Variants in CCBE1 observed in about 807,000 individuals in gnomAD.
CCBE1 encodes the protein collagen and calcium binding EGF domains 1.
Under a neutral mutation model 50.0 loss-of-function variants are expected in CCBE1, and 37 were observed. The observed-to-expected ratio is 0.74, with a 90% CI of 0.57 to 0.97. The LOEUF (loss-of-function observed/expected upper bound fraction) is 0.97. Ranked by LOEUF, CCBE1 falls within the 50% of genes least tolerant of loss-of-function variation. The pLI is 0.00. For missense variants in CCBE1, 538 were observed against 523.8 expected, an observed-to-expected ratio of 1.03 and a Z score of -0.26; for synonymous variants, 234 against 203.7, an observed-to-expected ratio of 1.15 and a Z score of -1.27.
At chr18:59,587,632 C>A (rs1281658829) in intron 2 of CCBE1, among the ~76,000 whole-genome samples, 1 of 152,140 alleles carries the variant, frequency 6.6e-6, no homozygotes, top group Non-Finnish European at 1.5e-5. Context: ...TTCCAAGAAG[C>A]GACTCAGATC....
intron 2 of CCBE1, among the ~76,000 whole-genome samples, chr18:59,690,951 C>T (rs2054722849): frequency 6.6e-6 from 1 of 152,226 alleles, no homozygotes; most frequent in South Asian, 2.1e-4. Context: ...CAGAATCTAG[C>T]ACCTGTTACA....
chr18:59,451,493 C>T (rs948799423), intron 6 of CCBE1, among the ~76,000 whole-genome samples: 5 of 150,698 alleles, frequency 3.3e-5, no homozygotes, highest in South Asian at 2.1e-4. Flanking sequence ...AGTGCTCTCG[C>T]GGGACAGAGA....
chr18:59,576,943 T>C (rs1210793574), intron 2 of CCBE1, among the ~76,000 whole-genome samples: 1 of 152,240 alleles, frequency 6.6e-6, no homozygotes, highest in African/African-American at 2.4e-5. Flanking sequence ...CTTCTCTCTC[T>C]GAACTTGACT....
intron 7 of CCBE1, among the ~76,000 whole-genome samples, chr18:59,446,562 G>T (rs2143644309): frequency 6.6e-6 from 1 of 152,090 alleles, no homozygotes; most frequent in East Asian, 1.9e-4. Flanking sequence ...ACTCAGGCTT[G>T]TGTTTGAAGA....
At chr18:59,537,929 G>C (rs1184719688) in intron 2 of CCBE1, among the ~76,000 whole-genome samples, 1 of 152,142 alleles carries the variant, frequency 6.6e-6, no homozygotes, top group East Asian at 1.9e-4. Flanking sequence ...TATTTTCCAG[G>C]GGTATTATGG....
At chr18:59,502,383 T>C (rs1010610718) in intron 2 of CCBE1, among the ~76,000 whole-genome samples, 1 of 152,198 alleles carries the variant, frequency 6.6e-6, no homozygotes, top group African/African-American at 2.4e-5. Flanking sequence ...TGTGTCATCC[T>C]CTGATTTGGG....
At chr18:59,483,727 G>T (rs1379149391) in intron 2 of CCBE1, among the ~76,000 whole-genome samples, 1 of 152,182 alleles carries the variant, frequency 6.6e-6, no homozygotes, top group Admixed American at 6.5e-5. Context: ...TCCTCTCCCT[G>T]TAACATTTCT....
chr18:59,632,096 T>C (rs944892385), intron 2 of CCBE1, among the ~76,000 whole-genome samples: 10 of 152,220 alleles, frequency 6.6e-5, no homozygotes, highest in African/African-American at 2.4e-4. Flanking sequence ...TTGAATTTTC[T>C]GCTCTAGGCA....
At chr18:59,484,895 G>A (rs970472035) in intron 2 of CCBE1, among the ~76,000 whole-genome samples, 5 of 152,166 alleles carry the variant, frequency 3.3e-5, no homozygotes, top group African/African-American at 1.2e-4. Context: ...AACACTGGTT[G>A]CACGTTATAC....
chr18:59,548,192 G>A (rs559202246), intron 2 of CCBE1, among the ~76,000 whole-genome samples: 1 of 152,178 alleles, frequency 6.6e-6, no homozygotes, highest in South Asian at 2.1e-4. Flanking sequence ...CCAGTGGTTT[G>A]TTGGGGCCAA....
chr18:59,438,016 G>C lies in CCBE1; in HGVS notation c.987+95C>G, dbSNP rs1390440761. 12 of 1,197,532 alleles carry C rather than the reference G, an allele frequency of 1.0e-5. No homozygotes were observed. The African/African-American group carries it at 1.4e-4, about 13-fold the overall frequency. 74.2% of individuals were successfully genotyped at this position (1,197,532 alleles called of 1,614,324 possible). The stretch of plus-strand genomic sequence containing the variant: ...GGTGGGCTGAGTGGCATCAGGAAGG[G>C]GCGGGCTTTTGCTACTAGACCAACC... On this transcript the variant is annotated intron_variant, in intron 10 of 10. Transcript: ENST00000439986.
intron 2 of CCBE1, among the ~76,000 whole-genome samples, chr18:59,575,440 T>A (rs2052980705): frequency 6.6e-6 from 1 of 152,186 alleles, no homozygotes; most frequent in Non-Finnish European, 1.5e-5. Flanking sequence ...GGGACAAACC[T>A]ACAGGAATAA....
intron 2 of CCBE1, among the ~76,000 whole-genome samples, chr18:59,506,305 C>T (rs1249292424): frequency 2.0e-5 from 3 of 152,208 alleles, no homozygotes. Flanking sequence ...GTTTCTCCCT[C>T]TGGAGCCTCC....
intron 2 of CCBE1, among the ~76,000 whole-genome samples, chr18:59,624,702 C>T (rs1325091718): frequency 6.6e-6 from 1 of 152,144 alleles, no homozygotes; most frequent in Admixed American, 6.5e-5. Flanking sequence ...AAAACAAAAA[C>T]AAAAGAGAGC....
At chr18:59,620,055 G>A (rs1327238703) in intron 2 of CCBE1, among the ~76,000 whole-genome samples, 1 of 152,198 alleles carries the variant, frequency 6.6e-6, no homozygotes, top group Non-Finnish European at 1.5e-5. Flanking sequence ...AAAGAGGGAG[G>A]GGAATAGGAA....
intron 2 of CCBE1, among the ~76,000 whole-genome samples, chr18:59,489,636 C>T (rs1322522537): frequency 6.6e-6 from 1 of 152,136 alleles, no homozygotes; most frequent in Non-Finnish European, 1.5e-5. Context: ...TGGTCTCGAA[C>T]TCCTGACATC....
intron 8 of CCBE1, 47 bp from the exon 9 acceptor site, chr18:59,439,625 C>CA: frequency 6.2e-7 from 1 of 1,614,202 alleles, no homozygotes; most frequent in African/African-American, 1.3e-5. Context: ...AAGCATGGGA[C>CA]AAAAACACAT....
chr18:59,510,508 G>A (rs1425757438), intron 2 of CCBE1, among the ~76,000 whole-genome samples: 1 of 151,740 alleles, frequency 6.6e-6, no homozygotes, highest in African/African-American at 2.4e-5. Context: ...TGCAACCTCT[G>A]CCTCCCAGGT....
intron 5 of CCBE1, among the ~76,000 whole-genome samples, chr18:59,466,150 A>G (rs1598924247): frequency 6.6e-6 from 1 of 151,960 alleles, no homozygotes; most frequent in Non-Finnish European, 1.5e-5. Flanking sequence ...AAAATACATG[A>G]TATGGTTTAG....
Sources: allele counts gnomAD v4.1 joint callset (sites outside exome capture counted in the v4.1 genomes callset), GRCh38; gene constraint gnomAD v4.1.1; transcripts MANE v1.5; gene names NCBI Gene and HGNC (gene_info 2026-07-23, HGNC 2026-07-21).